The following CNTN6 variants were observed in gnomAD, a reference collection of about 807,000 sequenced individuals.
CNTN6 encodes contactin 6, also known as contactin-6.
A neutral mutation model predicts 122.8 loss-of-function variants in CNTN6; 137 were observed. That is an observed-to-expected ratio of 1.12 (90% CI 0.97 to 1.29). The LOEUF is 1.29. CNTN6 is among the 50% of genes most tolerant of loss of function. The pLI is 0.00. For synonymous variants in CNTN6, 570 were observed against 426.0 expected, an observed-to-expected ratio of 1.34 and a Z score of -4.16; for missense variants, 1,634 against 1,223.4, an observed-to-expected ratio of 1.34 and a Z score of -5.01.
At chr3:1,095,573 T>C (rs2090484640) in intron 1 of CNTN6, among the ~76,000 whole-genome samples, 1 of 152,326 alleles carries the variant, frequency 6.6e-6, no homozygotes, top group Non-Finnish European at 1.5e-5. Flanking sequence ...TGAAACAACA[T>C]TGAAGAAATT....
chr3:1,243,490 T>G (rs1016996160), intron 4 of CNTN6, among the ~76,000 whole-genome samples: 6 of 152,062 alleles, frequency 3.9e-5, no homozygotes, highest in African/African-American at 1.4e-4. Context: ...TTATTTAATG[T>G]CGGGAGCAGA....
intron 4 of CNTN6, among the ~76,000 whole-genome samples, chr3:1,273,244 T>C (rs1360175922): frequency 6.6e-6 from 1 of 152,176 alleles, no homozygotes; most frequent in Non-Finnish European, 1.5e-5. Flanking sequence ...CAGGTCACCT[T>C]TGTGGTCTAT....
intron 2 of CNTN6, among the ~76,000 whole-genome samples, chr3:1,158,847 T>TGTGTGTATATATATGTATATATACACAC (rs2093046183): frequency 2.2e-5 from 2 of 92,134 alleles, no homozygotes; most frequent in African/African-American, 1.0e-4. Context: ...CACATATATA[T>TGTGTGTATATATATGTATATATACACAC]ACATACATAT....
intron 7 of CNTN6, among the ~76,000 whole-genome samples, chr3:1,311,254 T>C (rs145916641): frequency 5.0e-4 from 73 of 147,390 alleles, no homozygotes; most frequent in African/African-American, 1.8e-3. Flanking sequence ...CACATATATA[T>C]TTGTATATGT....
intron 4 of CNTN6, among the ~76,000 whole-genome samples, chr3:1,240,706 TA>T (rs58626912): frequency 3.2e-3 from 412 of 129,070 alleles, no homozygotes; most frequent in Non-Finnish European, 3.7e-3. Context: ...GTTATTATAC[TA>T]AAAAAAAAAA....
chr3:1,170,087 A>T (rs2093332143), intron 2 of CNTN6, among the ~76,000 whole-genome samples: 1 of 151,966 alleles, frequency 6.6e-6, no homozygotes, highest in Non-Finnish European at 1.5e-5. Flanking sequence ...ATACAAAAAA[A>T]TTAGCCGGAT....
intron 16 of CNTN6, 28 bp downstream of exon 16, chr3:1,374,101 T>G (rs758925649): frequency 1.9e-6 from 3 of 1,598,728 alleles, no homozygotes; most frequent in Non-Finnish European, 2.6e-6. Context: ...TCTAAAAGTG[T>G]GGAAGATTTC....
intron 2 of CNTN6, among the ~76,000 whole-genome samples, chr3:1,157,961 A>T (rs773037384): frequency 6.6e-6 from 1 of 152,228 alleles, no homozygotes; most frequent in Non-Finnish European, 1.5e-5. Context: ...AAACATGGGC[A>T]TGCAGATATA....
intron 7 of CNTN6, among the ~76,000 whole-genome samples, chr3:1,319,876 A>AATAAAATAAAATAAAATAAG (rs1382661455): frequency 6.6e-6 from 1 of 150,956 alleles, no homozygotes; most frequent in Non-Finnish European, 1.5e-5. Context: ...AATAAAATAA[A>AATAAAATAAAATAAAATAAG]AGACATTTAT....
intron 4 of CNTN6, among the ~76,000 whole-genome samples, chr3:1,243,891 G>A (rs1235625918): frequency 6.6e-6 from 1 of 152,038 alleles, no homozygotes; most frequent in African/African-American, 2.4e-5. Context: ...GGAAGACTCA[G>A]CGATGCTTGG....
intron 3 of CNTN6, among the ~76,000 whole-genome samples, chr3:1,226,058 T>C (rs2094278873): frequency 6.6e-6 from 1 of 152,202 alleles, no homozygotes; most frequent in South Asian, 2.1e-4. Context: ...TCTGTATTTT[T>C]AGTAGAGGCG....
chr3:1,388,021 A>T (rs1693364748), intron 20 of CNTN6, among the ~76,000 whole-genome samples: 1 of 152,136 alleles, frequency 6.6e-6, no homozygotes, highest in African/African-American at 2.4e-5. Flanking sequence ...GATTAGGTAA[A>T]CAAAGCAGCC....
At chr3:1,265,115 C>CT (rs1056924688) in intron 4 of CNTN6, among the ~76,000 whole-genome samples, 1 of 103,750 alleles carries the variant, frequency 9.6e-6, no homozygotes, top group Non-Finnish European at 1.9e-5. Flanking sequence ...TTTTTGTTAT[C>CT]TATTCACCTG....
intron 2 of CNTN6, among the ~76,000 whole-genome samples, chr3:1,195,814 T>C (rs2093769021): frequency 6.6e-6 from 1 of 152,202 alleles, no homozygotes; most frequent in African/African-American, 2.4e-5. Flanking sequence ...AGTATAATCT[T>C]ATTTCTACAT....
At chr3:1,098,756 G>GCACACA (rs57847953) in intron 1 of CNTN6, among the ~76,000 whole-genome samples, 6 of 89,066 alleles carry the variant, frequency 6.7e-5, no homozygotes, top group Non-Finnish European at 1.2e-4. Context: ...TGGCAGTAAT[G>GCACACA]CACACACACA....
In CNTN6 at chr3:1,117,748, A is replaced by T. The variant is rs537628926; in HGVS notation, c.-83+24628A>T. ...ACCAGAAATGCTGACTGGAAGTAGC[A>T]ACAAGTGATTTAATGTTCCCAGAGG... On this transcript the variant is annotated intron_variant, in intron 1 of 22. Transcript: ENST00000446702. Among the ~76,000 whole-genome samples, 13 of 152,316 alleles carry T rather than the reference A, an allele frequency of 8.5e-5. No homozygotes were observed. In the South Asian group the frequency reaches 2.1e-3, roughly 24 times the overall value.
chr3:1,283,126 C>T (rs1693754619), intron 5 of CNTN6, among the ~76,000 whole-genome samples: 1 of 152,216 alleles, frequency 6.6e-6, no homozygotes, highest in East Asian at 1.9e-4. Context: ...GTGCATGCCA[C>T]CACACCCAGC....
At chr3:1,101,257 A>AGG (rs2090879356) in intron 1 of CNTN6, among the ~76,000 whole-genome samples, 2 of 152,136 alleles carry the variant, frequency 1.3e-5, no homozygotes, top group South Asian at 4.1e-4. Flanking sequence ...CAGCTATGTA[A>AGG]TGCAAAGGAC....
chr3:1,209,139 T>C (rs3772350), intron 2 of CNTN6, among the ~76,000 whole-genome samples: 62,279 of 152,000 alleles, frequency 0.41, 13,079 homozygotes, highest in African/African-American at 0.5. Flanking sequence ...ATATACATTT[T>C]AGGCAGGTTT....
Sources: gnomAD v4.1 joint callset for allele counts (sites outside exome capture counted in the v4.1 genomes callset) on GRCh38, gnomAD v4.1.1 for gene constraint, MANE v1.5 for transcripts, NCBI Gene and HGNC (gene_info 2026-07-23, HGNC 2026-07-21) for gene names.